The following UBE2E2 variants were observed in gnomAD, a reference collection of about 807,000 sequenced individuals.
UBE2E2 encodes the protein ubiquitin conjugating enzyme E2 E2.
UBE2E2 carries 6 observed loss-of-function variants against 24.7 expected under a neutral mutation model. The observed-to-expected ratio is 0.24, with a 90% CI of 0.13 to 0.48. The LOEUF (loss-of-function observed/expected upper bound fraction) is 0.48. Ranked by LOEUF, UBE2E2 falls within the 20% of genes least tolerant of loss-of-function variation. UBE2E2 has a pLI of 0.99. For missense variants in UBE2E2, 169 were observed against 245.0 expected (o/e 0.69, Z 2.07); for synonymous variants, 104 against 83.6 (o/e 1.24, Z -1.33).
chr3:23,374,513 A>G (rs560904756), intron 3 of UBE2E2, among the ~76,000 whole-genome samples: 3 of 152,350 alleles, frequency 2.0e-5, no homozygotes, highest in African/African-American at 7.2e-5. Flanking sequence ...ATTATAGTTA[A>G]TGGCCTCAGT....
intron 5 of UBE2E2, among the ~76,000 whole-genome samples, chr3:23,551,330 T>C (rs886908223): frequency 6.6e-6 from 1 of 152,248 alleles, no homozygotes; most frequent in African/African-American, 2.4e-5. Context: ...GTAAGTATTC[T>C]CAAATTGATT....
intron 3 of UBE2E2, among the ~76,000 whole-genome samples, chr3:23,220,505 T>G (rs1188842291): frequency 2.0e-5 from 3 of 152,176 alleles, no homozygotes; most frequent in Non-Finnish European, 4.4e-5. Flanking sequence ...TTCATTTGAG[T>G]GAAATTTGGT....
intron 3 of UBE2E2, among the ~76,000 whole-genome samples, chr3:23,262,748 C>T (rs1329085608): frequency 1.3e-5 from 2 of 151,914 alleles, no homozygotes; most frequent in African/African-American, 4.8e-5. Flanking sequence ...CTTTGTTATG[C>T]AGGTTTTTAG....
rs190617847 is a variant in UBE2E2, at chr3:23,440,674, T to C, written c.228-58934T>C. 2.0e-5 allele frequency among the ~76,000 whole-genome samples: 3 copies of C among 152,336 alleles called. No homozygotes were observed. The East Asian group carries it at 5.8e-4, about 29-fold the overall frequency. On this transcript the variant is annotated intron_variant, in intron 3 of 5. Transcript: ENST00000396703. The stretch of plus-strand genomic sequence containing the variant: ...AAGGATAAAGTAAGATCAGCCTAAA[T>C]GTTTCAGTCTAGTTAAGTTGATTTG...
At chr3:23,362,585 A>C (rs1051356024) in intron 3 of UBE2E2, among the ~76,000 whole-genome samples, 1 of 151,938 alleles carries the variant, frequency 6.6e-6, no homozygotes, top group Non-Finnish European at 1.5e-5. Context: ...CTGGCTTGCT[A>C]TTGTCCCAGG....
chr3:23,516,612 A>C (rs184503125), intron 4 of UBE2E2, among the ~76,000 whole-genome samples: 1 of 152,304 alleles, frequency 6.6e-6, no homozygotes, highest in East Asian at 1.9e-4. Context: ...AAATATTTTT[A>C]ATAGTGAAAG....
At chr3:23,265,614 T>G (rs1698027139) in intron 3 of UBE2E2, among the ~76,000 whole-genome samples, 1 of 152,146 alleles carries the variant, frequency 6.6e-6, no homozygotes, top group African/African-American at 2.4e-5. Context: ...AGAGGTTCCT[T>G]ATCCAAGAAT....
At chr3:23,249,132 A>G (rs1450976861) in intron 3 of UBE2E2, among the ~76,000 whole-genome samples, 1 of 151,988 alleles carries the variant, frequency 6.6e-6, no homozygotes, top group Non-Finnish European at 1.5e-5. Context: ...TTAGCTGGGC[A>G]TGGTGGCACA....
intron 5 of UBE2E2, among the ~76,000 whole-genome samples, chr3:23,550,289 G>A (rs983635504): frequency 1.6e-4 from 24 of 152,182 alleles, no homozygotes; most frequent in African/African-American, 5.5e-4. Flanking sequence ...TTTATTCCCA[G>A]CACCTATAAT....
At chr3:23,486,977 C>A (rs184336056) in intron 3 of UBE2E2, among the ~76,000 whole-genome samples, 79 of 152,336 alleles carry the variant, frequency 5.2e-4, no homozygotes, top group African/African-American at 1.8e-3. Flanking sequence ...CACATAGGCA[C>A]CTGTCTGCCT....
At chr3:23,284,402 G>C (rs1170622385) in intron 3 of UBE2E2, among the ~76,000 whole-genome samples, 1 of 152,060 alleles carries the variant, frequency 6.6e-6, no homozygotes, top group African/African-American at 2.4e-5. Flanking sequence ...ATAACGTAAG[G>C]TGATCTTATT....
At position 23,407,786 on chromosome 3, in the gene UBE2E2, G is replaced by T. The variant is rs946325017; in HGVS notation, c.228-91822G>T. Among the ~76,000 whole-genome samples, 1 of 151,800 alleles carries T rather than the reference G, an allele frequency of 6.6e-6. No homozygotes were observed. The highest frequency in any genetic ancestry group is 6.6e-5 in the Admixed American group (1 of 15,184). ...TAAAACTTTGAGGTCTGTTACCTCT[G>T]CCTCTGCTTACCCTTCTGGGAAATA... On this transcript the variant is annotated intron_variant, in intron 3 of 5. Coordinates refer to ENST00000396703, the MANE Select transcript of UBE2E2 (RefSeq NM_152653.4). This position sits in a 1 kb window ranked among gnomAD's most constrained non-coding sequence, Gnocchi z 4.0.
intron 5 of UBE2E2, among the ~76,000 whole-genome samples, chr3:23,579,119 G>A (rs550606679): frequency 2.6e-5 from 4 of 152,238 alleles, no homozygotes; most frequent in South Asian, 4.1e-4. Context: ...TAGGCAGGGC[G>A]TGGTGGCTCA....
intron 3 of UBE2E2, among the ~76,000 whole-genome samples, chr3:23,489,218 A>G (rs916889626): frequency 3.3e-5 from 5 of 152,120 alleles, no homozygotes; most frequent in East Asian, 1.9e-4. Flanking sequence ...TACATTTATT[A>G]TACACTTTAT....
chr3:23,230,314 G>A (rs1696939705), intron 3 of UBE2E2, among the ~76,000 whole-genome samples: 1 of 152,192 alleles, frequency 6.6e-6, no homozygotes, highest in Admixed American at 6.5e-5. Context: ...AGAGAAATAG[G>A]ACTTCCTCAA....
At chr3:23,578,607 A>G (rs1220924355) in intron 5 of UBE2E2, among the ~76,000 whole-genome samples, 1 of 152,208 alleles carries the variant, frequency 6.6e-6, no homozygotes. Context: ...CATAAAAAGG[A>G]ACAAGATCAT....
chr3:23,225,316 CTG>C (rs1696789772), intron 3 of UBE2E2, among the ~76,000 whole-genome samples: 1 of 151,088 alleles, frequency 6.6e-6, no homozygotes, highest in Admixed American at 6.6e-5. Flanking sequence ...GTCTAAATAT[CTG>C]TTTTTTCTTT....
chr3:23,282,573 T>TA (rs1440538644), intron 3 of UBE2E2, among the ~76,000 whole-genome samples: 9 of 152,224 alleles, frequency 5.9e-5, no homozygotes, highest in African/African-American at 2.2e-4. Context: ...TTGTATGCTT[T>TA]AGAGTAATAC....
intron 3 of UBE2E2, among the ~76,000 whole-genome samples, chr3:23,319,674 ATGTG>A (rs1694689130): frequency 1.8e-4 from 25 of 139,664 alleles, no homozygotes; most frequent in African/African-American, 5.9e-4. Context: ...AATTAGCTGG[ATGTG>A]GTGGCAGGGG....
Sources: allele counts gnomAD v4.1 joint callset (sites outside exome capture counted in the v4.1 genomes callset), GRCh38; gene constraint gnomAD v4.1.1; non-coding constraint Gnocchi (gnomAD v3.1); transcripts MANE v1.5; gene names NCBI Gene and HGNC (gene_info 2026-07-23, HGNC 2026-07-21).